Variants in ENOX1 observed in about 807,000 individuals in gnomAD.
The protein encoded by ENOX1 is ecto-NOX disulfide-thiol exchanger 1, also known as candidate growth-related and time keeping constitutive hydroquinone (NADH) oxidase.
Under a neutral mutation model 82.5 loss-of-function variants are expected in ENOX1, and 42 were observed. The observed-to-expected ratio is 0.51, with a 90% confidence interval of 0.40 to 0.66. ENOX1 has a LOEUF of 0.66. Ranked by LOEUF, ENOX1 falls within the 30% of genes least tolerant of loss-of-function variation. The probability of loss-of-function intolerance (pLI) is 0.00; values close to 1 mark genes in which losing one functional copy is unlikely to be tolerated. For synonymous variants in ENOX1, 271 were observed against 282.2 expected (o/e 0.96, Z 0.40); for missense variants, 608 against 811.6 (o/e 0.75, Z 3.05).
intron 3 of ENOX1, among the ~76,000 whole-genome samples, chr13:43,458,681 C>G (rs1478487998): frequency 6.6e-6 from 1 of 152,150 alleles, no homozygotes; most frequent in Admixed American, 6.5e-5. Context: ...AGTTTCTTGA[C>G]CCCTTTAGAA....
At chr13:43,323,281 A>G (rs1348364147) in intron 10 of ENOX1, among the ~76,000 whole-genome samples, 1 of 152,236 alleles carries the variant, frequency 6.6e-6, no homozygotes, top group Non-Finnish European at 1.5e-5. Flanking sequence ...TTTTGTTGCA[A>G]TGGTTGCTTT....
chr13:43,347,339 C>A (rs2049455280), intron 8 of ENOX1, among the ~76,000 whole-genome samples: 2 of 152,160 alleles, frequency 1.3e-5, no homozygotes, highest in South Asian at 4.1e-4. Context: ...TACTAGGAAG[C>A]AGAATTCCAT....
chr13:43,774,767 T>C (rs1951820421), intron 1 of ENOX1, among the ~76,000 whole-genome samples: 1 of 152,208 alleles, frequency 6.6e-6, no homozygotes, highest in Admixed American at 6.5e-5. Context: ...CCCCCAGCCC[T>C]GCTCTCACTG....
chr13:43,585,258 A>G (rs959139780), intron 2 of ENOX1, among the ~76,000 whole-genome samples: 2 of 152,368 alleles, frequency 1.3e-5, no homozygotes, highest in Non-Finnish European at 2.9e-5. Context: ...TTTAGGAGCT[A>G]GAAGAGGAAA....
chr13:43,511,226 T>G (rs770264601), intron 2 of ENOX1, among the ~76,000 whole-genome samples: 7 of 152,160 alleles, frequency 4.6e-5, no homozygotes, highest in Non-Finnish European at 8.8e-5. Context: ...TTGCTAAATG[T>G]GTTTTCTCTT....
Position 43,617,655 on chromosome 13 carries a change from C to T in ENOX1, c.-219+49824G>A, listed in dbSNP as rs1021496427. Among the ~76,000 whole-genome samples the T allele has an allele frequency of 7.9e-5, 12 of 152,288 alleles. No homozygotes were observed. In the South Asian group the frequency reaches 1.0e-3, roughly 13 times the overall value. On this transcript the variant is annotated intron_variant, in intron 2 of 16. Coordinates refer to ENST00000690772, the MANE Select transcript of ENOX1 (RefSeq NM_001347969.2). The stretch of plus-strand genomic sequence containing the variant: ...GGTATTTGGGCTGGTTCCACAATTT[C>T]GCAATTGTGAATTGTGCCACTATAA...
At chr13:43,222,738 C>A (rs568763967) in intron 16 of ENOX1, among the ~76,000 whole-genome samples, 37 of 152,198 alleles carry the variant, frequency 2.4e-4, no homozygotes, top group African/African-American at 8.9e-4. Context: ...AACAATAATA[C>A]CAGTAAAGGG....
intron 14 of ENOX1, among the ~76,000 whole-genome samples, chr13:43,237,801 G>A (rs1035924092): frequency 6.6e-6 from 1 of 152,136 alleles, no homozygotes; most frequent in African/African-American, 2.4e-5. Context: ...ACACCCGAAG[G>A]CATTCAAAGA....
At chr13:43,632,915 C>T (rs1357365974) in intron 2 of ENOX1, among the ~76,000 whole-genome samples, 1 of 152,050 alleles carries the variant, frequency 6.6e-6, no homozygotes, top group Non-Finnish European at 1.5e-5. Context: ...ATGTCTGTTG[C>T]TTCTTAGACT....
chr13:43,716,031 T>C (rs2088102976), intron 1 of ENOX1, among the ~76,000 whole-genome samples: 1 of 152,244 alleles, frequency 6.6e-6, no homozygotes, highest in South Asian at 2.1e-4. Context: ...AATAGTTTGA[T>C]CATCTCTGAA....
intron 15 of ENOX1, among the ~76,000 whole-genome samples, chr13:43,225,265 C>T (rs188145217): frequency 5.1e-4 from 77 of 152,140 alleles, no homozygotes; most frequent in African/African-American, 1.7e-3. Context: ...CTGCTAGAGG[C>T]GGGAGAGAGG....
Position 43,213,192 on chromosome 13 carries a change from A to C in ENOX1, c.*798T>G, listed in dbSNP as rs578154469. ...CTTTGCTATAAAATTTGTAACAGGAATATTTACTGAATGTTTATTTTGATG... is the reference window on the plus strand; with the variant it reads ...CTTTGCTATAAAATTTGTAACAGGACTATTTACTGAATGTTTATTTTGATG... On this transcript the variant is annotated 3_prime_UTR_variant, in exon 17 of 17. Transcript: ENST00000690772. Among the ~76,000 whole-genome samples, 24 of 152,324 alleles carry C rather than the reference A, an allele frequency of 1.6e-4. No individual in the cohort carries two copies. Among genetic ancestry groups the C allele is most frequent in the African/African-American group, 5.8e-4 (24 of 41,588 alleles).
intron 3 of ENOX1, among the ~76,000 whole-genome samples, chr13:43,473,350 T>C (rs9805402): frequency 0.34 from 51,937 of 152,054 alleles, 11,209 homozygotes; most frequent in Non-Finnish European, 0.49. Context: ...TTAACTTTTC[T>C]TTTTTGGGGG....
chr13:43,292,623 T>TAA lies in ENOX1; in HGVS notation c.1446+5721_1446+5722dup, dbSNP rs34528970. On this transcript the variant is annotated intron_variant, in intron 12 of 16. Coordinates refer to ENST00000690772, the MANE Select transcript of ENOX1 (RefSeq NM_001347969.2). ...TCCACAATTTTTAAGGGACAAGGTT[T>TAA]AAAAAAAAAAACCCTATAAAATATT... 1.2e-3 allele frequency among the ~76,000 whole-genome samples: 184 copies of TAA among 149,180 alleles called. 1 individual carries two copies. The East Asian group carries it at 0.021, about 17-fold the overall frequency.
chr13:43,405,617 T>TCAC (rs10634687), intron 5 of ENOX1, among the ~76,000 whole-genome samples: 29,200 of 152,070 alleles, frequency 0.19, 3,406 homozygotes, highest in East Asian at 0.51. Context: ...TGTTGATTCT[T>TCAC]CACTCTCCTT....
At chr13:43,252,951 T>C (rs1474084819) in intron 14 of ENOX1, among the ~76,000 whole-genome samples, 2 of 152,358 alleles carry the variant, frequency 1.3e-5, no homozygotes, top group African/African-American at 4.8e-5. Context: ...CTCCAGTTTG[T>C]TGTGGGAAAT....
chr13:43,700,449 T>C (rs780391307), intron 1 of ENOX1, among the ~76,000 whole-genome samples: 3 of 152,096 alleles, frequency 2.0e-5, no homozygotes, highest in Non-Finnish European at 4.4e-5. Flanking sequence ...GAGAAGTGGT[T>C]GAGATTAAGT....
At chr13:43,379,553 C>T (rs996525357) in intron 5 of ENOX1, among the ~76,000 whole-genome samples, 1 of 151,982 alleles carries the variant, frequency 6.6e-6, no homozygotes, top group Non-Finnish European at 1.5e-5. Context: ...ATGAAATTAA[C>T]AGCAGATTTG....
At chr13:43,300,505 A>T (rs1460024100) in intron 11 of ENOX1, among the ~76,000 whole-genome samples, 1 of 152,246 alleles carries the variant, frequency 6.6e-6, no homozygotes, top group Non-Finnish European at 1.5e-5. Flanking sequence ...CTTGGAAAGG[A>T]TGTCTCTCAG....
Sources: gnomAD v4.1 joint callset for allele counts (sites outside exome capture counted in the v4.1 genomes callset) on GRCh38, gnomAD v4.1.1 for gene constraint, MANE v1.5 for transcripts, NCBI Gene and HGNC (gene_info 2026-07-23, HGNC 2026-07-21) for gene names.